Variants in SCAPER observed in about 807,000 individuals in gnomAD.
SCAPER encodes S phase cyclin A-associated protein in the endoplasmic reticulum.
Under a neutral mutation model 182.2 loss-of-function variants are expected in SCAPER, and 98 were observed. That is an observed-to-expected ratio of 0.54 (90% confidence interval 0.46 to 0.64). The LOEUF (loss-of-function observed/expected upper bound fraction) is 0.64. Ranked by LOEUF, SCAPER falls within the 30% of genes least tolerant of loss-of-function variation. The pLI is 0.00. For synonymous variants in SCAPER, 605 were observed against 564.6 expected, an observed-to-expected ratio of 1.07 and a Z score of -1.01; for missense variants, 1,432 against 1,690.0, an observed-to-expected ratio of 0.85 and a Z score of 2.68.
chr15:76,546,538 C>A (rs960094490), intron 23 of SCAPER, among the ~76,000 whole-genome samples: 1 of 151,790 alleles, frequency 6.6e-6, no homozygotes, highest in Non-Finnish European at 1.5e-5. Flanking sequence ...GGATTAATAC[C>A]CCTGCCCCCA....
At position 76,546,358 on chromosome 15, in the gene SCAPER, G is replaced by T. The variant is rs557691006; in HGVS notation, c.2838+27800C>A. Among the ~76,000 whole-genome samples the T allele has an allele frequency of 2.1e-3, 325 of 152,124 alleles. 3 individuals carry two copies. The highest frequency in any genetic ancestry group is 7.2e-3 in the African/African-American group (301 of 41,522). ...GTACCTACTGTCTACATCTAAAGAT[G>T]TTTTTTCAACTGTGCTTTTCTAAAA... On this transcript the variant is annotated intron_variant, in intron 23 of 31. Coordinates refer to ENST00000563290, the MANE Select transcript of SCAPER (RefSeq NM_020843.4).
chr15:76,548,314 G>T (rs1385608739), intron 23 of SCAPER, among the ~76,000 whole-genome samples: 1 of 152,252 alleles, frequency 6.6e-6, no homozygotes, highest in South Asian at 2.1e-4. Flanking sequence ...TTCATCAAAT[G>T]AATCTTGGGC....
chr15:76,842,085 T>C (rs1389968027), intron 4 of SCAPER, among the ~76,000 whole-genome samples, 154 bp from the exon 5 acceptor site: 1 of 152,200 alleles, frequency 6.6e-6, no homozygotes, highest in Non-Finnish European at 1.5e-5. Context: ...CTATCATTAT[T>C]CTCTAAACAA....
chr15:76,652,277 T>A (rs56217004), intron 21 of SCAPER, among the ~76,000 whole-genome samples: 1,120 of 7,484 alleles, frequency 0.15, 153 homozygotes, highest in African/African-American at 0.21. Context: ...AAAAAAAATA[T>A]ATATATATAT....
At chr15:76,762,149 C>T (rs973703690) in intron 14 of SCAPER, among the ~76,000 whole-genome samples, 1 of 152,070 alleles carries the variant, frequency 6.6e-6, no homozygotes, top group African/African-American at 2.4e-5. Context: ...CGTGTTCAGC[C>T]AAGTCTGTTC....
chr15:76,780,280 G>A (rs754426548), intron 8 of SCAPER, among the ~76,000 whole-genome samples: 21 of 152,246 alleles, frequency 1.4e-4, no homozygotes, highest in Non-Finnish European at 1.8e-4. Context: ...CACTGCTAGC[G>A]CAGCAGTCTG....
At chr15:76,475,736 C>T (rs548060827) in intron 24 of SCAPER, among the ~76,000 whole-genome samples, 6 of 152,180 alleles carry the variant, frequency 3.9e-5, no homozygotes, top group Admixed American at 1.3e-4. Flanking sequence ...GGAGACCCAG[C>T]GACCTACCCT....
At chr15:76,657,844 G>C (rs2055797575) in intron 21 of SCAPER, among the ~76,000 whole-genome samples, 1 of 152,132 alleles carries the variant, frequency 6.6e-6, no homozygotes, top group Non-Finnish European at 1.5e-5. Flanking sequence ...ATGCAGGAAA[G>C]GCTTTCAATA....
intron 23 of SCAPER, among the ~76,000 whole-genome samples, chr15:76,511,688 C>T (rs2042034221): frequency 6.6e-6 from 1 of 152,036 alleles, no homozygotes; most frequent in African/African-American, 2.4e-5. Flanking sequence ...CTTTGTATCT[C>T]CACTAAACTC....
intron 24 of SCAPER, among the ~76,000 whole-genome samples, chr15:76,481,938 T>C (rs1018316688): frequency 1.6e-4 from 25 of 152,234 alleles, no homozygotes; most frequent in Admixed American, 1.3e-3. Flanking sequence ...AGTTCAAATG[T>C]TCCTTTTTCT....
At chr15:76,588,480 T>C (rs1342435444) in intron 22 of SCAPER, among the ~76,000 whole-genome samples, 1 of 152,254 alleles carries the variant, frequency 6.6e-6, no homozygotes, top group Admixed American at 6.5e-5. Flanking sequence ...TAAGTTTATG[T>C]GAGTCCTTAT....
At chr15:76,733,084 T>G in intron 16 of SCAPER, 145 bp downstream of exon 16, 1 of 750,652 alleles carries the variant, frequency 1.3e-6, no homozygotes, top group Non-Finnish European at 2.1e-6. Flanking sequence ...CAGGCCCAGC[T>G]GTCTTTTATT....
At chr15:76,772,166 G>C (rs1030959482) in intron 9 of SCAPER, among the ~76,000 whole-genome samples, 1 of 151,964 alleles carries the variant, frequency 6.6e-6, no homozygotes, top group African/African-American at 2.4e-5. Context: ...TGCCTACTAT[G>C]TACTGGGCAC....
At chr15:76,430,536 T>A (rs937102697) in intron 26 of SCAPER, among the ~76,000 whole-genome samples, 23 of 152,196 alleles carry the variant, frequency 1.5e-4, no homozygotes, top group Non-Finnish European at 4.4e-5. Context: ...AAAGAGATCA[T>A]TTTGGAGCTT....
chr15:76,842,192 T>C (rs2069547538), intron 4 of SCAPER, among the ~76,000 whole-genome samples: 1 of 152,218 alleles, frequency 6.6e-6, no homozygotes, highest in Non-Finnish European at 1.5e-5. Flanking sequence ...ATAGGTTATA[T>C]GCAAATACTA....
chr15:76,785,296 C>A (rs898862418), intron 8 of SCAPER, among the ~76,000 whole-genome samples: 3 of 152,206 alleles, frequency 2.0e-5, no homozygotes, highest in African/African-American at 7.2e-5. Flanking sequence ...CATCACTGAT[C>A]ATCAGAGAAA....
chr15:76,570,296 C>A (rs1263566863), intron 23 of SCAPER, among the ~76,000 whole-genome samples: 1 of 152,060 alleles, frequency 6.6e-6, no homozygotes, highest in Non-Finnish European at 1.5e-5. Context: ...ATAGTCCCTA[C>A]CATTGATTGT....
chr15:76,757,391 C>T (rs1394819288), intron 14 of SCAPER, among the ~76,000 whole-genome samples: 1 of 152,024 alleles, frequency 6.6e-6, no homozygotes, highest in East Asian at 1.9e-4. Flanking sequence ...CTAGCTCCAT[C>T]CACGTTGTCA....
intron 25 of SCAPER, among the ~76,000 whole-genome samples, chr15:76,437,789 T>G (rs533497140): frequency 6.6e-6 from 1 of 152,332 alleles, no homozygotes; most frequent in African/African-American, 2.4e-5. Flanking sequence ...TAAAAAAGAC[T>G]TCTGAGATAA....
Sources: allele counts gnomAD v4.1 joint callset (sites outside exome capture counted in the v4.1 genomes callset), GRCh38; gene constraint gnomAD v4.1.1; transcripts MANE v1.5; gene names NCBI Gene and HGNC (gene_info 2026-07-23, HGNC 2026-07-21).